Variants in MAP3K1 observed in about 807,000 individuals in gnomAD.
MAP3K1 encodes MAP/ERK kinase kinase 1.
Under a neutral mutation model 144.2 loss-of-function variants are expected in MAP3K1, and 36 were observed. The ratio of observed to expected loss-of-function variants is 0.25; its 90% confidence interval spans 0.19 to 0.33. MAP3K1 has a LOEUF of 0.33. MAP3K1 is among the 10% of genes least tolerant of loss of function. The pLI is 1.00. For missense variants in MAP3K1, 1,650 were observed against 1,881.9 expected (o/e 0.88, Z 2.28); for synonymous variants, 718 against 688.7 (o/e 1.04, Z -0.67).
chr5:56,867,898 A>G (rs1425868357), intron 6 of MAP3K1, among the ~76,000 whole-genome samples: 1 of 152,226 alleles, frequency 6.6e-6, no homozygotes, highest in Non-Finnish European at 1.5e-5. Flanking sequence ...CCCATGTTAC[A>G]AATGTCATGT....
intron 10 of MAP3K1, among the ~76,000 whole-genome samples, chr5:56,876,665 G>A (rs1442082168): frequency 3.9e-5 from 6 of 152,150 alleles, no homozygotes; most frequent in African/African-American, 7.2e-5. Context: ...TTACTAGCAC[G>A]ATGGCTTTAT....
At chr5:56,865,198 T>C (rs1747639440) in intron 4 of MAP3K1, 142 bp from the exon 5 acceptor site, 2 of 648,666 alleles carry the variant, frequency 3.1e-6, no homozygotes, top group Non-Finnish European at 5.4e-6. Flanking sequence ...TGTAGATTTT[T>C]CTTATATACA....
chr5:56,853,780 G>C (rs1747249220), intron 1 of MAP3K1, among the ~76,000 whole-genome samples: 1 of 152,152 alleles, frequency 6.6e-6, no homozygotes, highest in Non-Finnish European at 1.5e-5. Flanking sequence ...AAAGATCTTG[G>C]GGTTATTGAG....
chr5:56,846,025 G>A (rs1746987642), intron 1 of MAP3K1, among the ~76,000 whole-genome samples: 1 of 152,190 alleles, frequency 6.6e-6, no homozygotes, highest in Non-Finnish European at 1.5e-5. Context: ...AGTGATATAA[G>A]TGTTTTAAAG....
At chr5:56,862,967 G>A (rs1300181388) in intron 3 of MAP3K1, among the ~76,000 whole-genome samples, 2 of 152,150 alleles carry the variant, frequency 1.3e-5, no homozygotes, top group Admixed American at 6.5e-5. Flanking sequence ...AGACCTATTA[G>A]CAGTATTAAA....
intron 1 of MAP3K1, chr5:56,820,818 T>A (rs1370417831): frequency 1.0e-6 from 1 of 984,624 alleles, no homozygotes; most frequent in Non-Finnish European, 1.2e-6. Flanking sequence ...TTTCTGTCGG[T>A]AGGTTGTAGT....
chr5:56,867,999 G>A (rs1336016689), intron 6 of MAP3K1, among the ~76,000 whole-genome samples: 1 of 152,158 alleles, frequency 6.6e-6, no homozygotes, highest in African/African-American at 2.4e-5. Context: ...AATATATTAT[G>A]CATGAACCCA....
At chr5:56,888,095 T>C (rs924784413) in intron 18 of MAP3K1, 131 bp from the exon 19 acceptor site, 1 of 753,634 alleles carries the variant, frequency 1.3e-6, no homozygotes, top group South Asian at 1.6e-5. Context: ...AAATTAGATA[T>C]TAGGTAGTCC....
At chr5:56,823,405 G>C (rs538778355) in intron 1 of MAP3K1, among the ~76,000 whole-genome samples, 1 of 152,246 alleles carries the variant, frequency 6.6e-6, no homozygotes, top group Non-Finnish European at 1.5e-5. Context: ...CCTCAGGGAA[G>C]CTTTCCCTCA....
At chr5:56,859,304 G>C (rs571147872) in intron 2 of MAP3K1, among the ~76,000 whole-genome samples, 1 of 152,062 alleles carries the variant, frequency 6.6e-6, no homozygotes, top group East Asian at 1.9e-4. Flanking sequence ...AAATAAAAAC[G>C]TACCTAGATC....
At chr5:56,881,374 A>G (rs1748201382) in intron 13 of MAP3K1, 102 bp downstream of exon 13, 2 of 1,108,688 alleles carry the variant, frequency 1.8e-6, no homozygotes, top group East Asian at 2.5e-5. Context: ...CAGAGCATGA[A>G]TAGGTTGCTG....
intron 16 of MAP3K1, 67 bp downstream of exon 16, chr5:56,884,893 C>A (rs1412612705): frequency 7.0e-7 from 1 of 1,430,686 alleles, no homozygotes; most frequent in Admixed American, 1.8e-5. Context: ...TTAGGAAAAA[C>A]CAGTTTAATT....
chr5:56,878,625 A>G (rs832581), intron 10 of MAP3K1, among the ~76,000 whole-genome samples: 36,011 of 152,084 alleles, frequency 0.24, 5,648 homozygotes, highest in Non-Finnish European at 0.35. Context: ...ACCCAGTACT[A>G]CCATCATTTG....
chr5:56,895,176 ATAAGT>A lies in MAP3K1; in HGVS notation c.*1498_*1502del, dbSNP rs1748666838. On this transcript the variant is annotated 3_prime_UTR_variant, in exon 20 of 20. Transcript: ENST00000399503. ...AATTGGAAATAAAATAAGTTACAAGATAAGTTTACAGGGATATATTGCTTACAATT... is the reference window on the plus strand; with the variant it reads ...AATTGGAAATAAAATAAGTTACAAGATTACAGGGATATATTGCTTACAATT... The A allele has an allele frequency of 4.3e-6, 1 of 231,764 alleles. No individual in the cohort carries two copies. Among genetic ancestry groups the A allele is most frequent in the African/African-American group, 2.2e-5 (1 of 45,298 alleles). 14.4% of individuals were successfully genotyped at this position (231,764 alleles called of 1,614,324 possible).
intron 10 of MAP3K1, among the ~76,000 whole-genome samples, chr5:56,878,577 G>T (rs1471940816): frequency 2.0e-5 from 3 of 152,146 alleles, no homozygotes; most frequent in African/African-American, 7.2e-5. Context: ...TTGTATTGGT[G>T]TAGGCTCCTG....
At chr5:56,848,003 C>G (rs1281556045) in intron 1 of MAP3K1, among the ~76,000 whole-genome samples, 2 of 152,062 alleles carry the variant, frequency 1.3e-5, no homozygotes, top group African/African-American at 4.8e-5. Flanking sequence ...TATAGGAGAA[C>G]TGTACAGTTA....
chr5:56,816,103 A>G (rs1454631746), intron 1 of MAP3K1, 48 bp downstream of exon 1: 2 of 1,194,774 alleles, frequency 1.7e-6, no homozygotes, highest in East Asian at 3.5e-5. Flanking sequence ...GAGCGGGCAG[A>G]GGGCAATGAA....
In MAP3K1 at chr5:56,872,952, G is replaced by A. The variant is rs1262093179; in HGVS notation, c.1633G>A (p.Gly545Arg). 5 of 1,614,004 alleles carry A rather than the reference G, an allele frequency of 3.1e-6. No homozygotes were observed. The highest frequency in any genetic ancestry group is 4.2e-6 in the Non-Finnish European group (5 of 1,179,964). Reference protein sequence around the residue: ...QESNFNLTHYGTQQIPPAYKD... With the variant: ...QESNFNLTHYRTQQIPPAYKD... ...GAGCAATTTTAACCTTACTCATTAT[G>A]GAACTCAGCAAATCCCTCCTGCTTA... is the stretch of plus-strand genomic sequence containing the variant. Residue 545 changes from glycine (G) to arginine (R), a missense_variant, in exon 9 of 20, where the codon GGA (glycine) becomes AGA (arginine). Physicochemically the swap from Gly to Arg is moderately radical, Grantham distance 125. Coordinates refer to ENST00000399503, the MANE Select transcript of MAP3K1 (RefSeq NM_005921.2).
intron 1 of MAP3K1, among the ~76,000 whole-genome samples, chr5:56,819,154 A>G (rs1235494870): frequency 6.6e-5 from 10 of 152,338 alleles, no homozygotes; most frequent in Admixed American, 1.3e-4. Flanking sequence ...GAAGAGAAAT[A>G]TAAGAGCTAG....
Sources: gnomAD v4.1 joint callset for allele counts (sites outside exome capture counted in the v4.1 genomes callset) on GRCh38, gnomAD v4.1.1 for gene constraint, MANE v1.5 for transcripts, NCBI Gene and HGNC (gene_info 2026-07-23, HGNC 2026-07-21) for gene names.